FUT8: variants seen among roughly 807,000 people sequenced by gnomAD.
FUT8 encodes the protein alpha-(1,6)-fucosyltransferase.
Under a neutral mutation model 71.3 loss-of-function variants are expected in FUT8, and 29 were observed. The ratio of observed to expected loss-of-function variants is 0.41; its 90% CI spans 0.30 to 0.55. The LOEUF is 0.55. FUT8 is among the 20% of genes least tolerant of loss of function. The pLI, the probability that FUT8 is intolerant of heterozygous loss-of-function variation, is 0.34. For synonymous variants in FUT8, 254 were observed against 239.3 expected (o/e 1.06, Z -0.57); for missense variants, 544 against 702.1 (o/e 0.77, Z 2.55).
At chr14:65,466,210 C>T (rs2066042175) in intron 2 of FUT8, among the ~76,000 whole-genome samples, 1 of 152,100 alleles carries the variant, frequency 6.6e-6, no homozygotes, top group Non-Finnish European at 1.5e-5. Flanking sequence ...ATAGTAGGGT[C>T]TTGTCGTTTG....
intron 3 of FUT8, among the ~76,000 whole-genome samples, chr14:65,593,576 C>T (rs541486185): frequency 7.8e-6 from 1 of 127,922 alleles, no homozygotes; most frequent in African/African-American, 2.5e-5. Flanking sequence ...TTTTTCTTTT[C>T]TTTTCTTTTT....
upstream of FUT8, chr14:65,411,359 A>G (rs1284914351): frequency 2.6e-5 from 4 of 152,370 alleles, no homozygotes; most frequent in African/African-American, 9.7e-5. Context: ...CTTTTTGTTT[A>G]AAGAGCTGAC....
intron 1 of FUT8, among the ~76,000 whole-genome samples, chr14:65,441,605 T>C (rs1388709514): frequency 1.3e-5 from 2 of 151,760 alleles, no homozygotes; most frequent in Non-Finnish European, 2.9e-5. Flanking sequence ...AAAAAAAAAT[T>C]AGCCGGGTGT....
intron 2 of FUT8, among the ~76,000 whole-genome samples, chr14:65,479,189 A>G (rs2066291441): frequency 6.6e-6 from 1 of 152,186 alleles, no homozygotes; most frequent in South Asian, 2.1e-4. Flanking sequence ...CTTTGAAAAA[A>G]CTACAGATGT....
Position 65,650,298 on chromosome 14 carries a change from CAAAAAAAAAAAAAA to C in FUT8, c.598-18929_598-18916del, listed in dbSNP as rs869168766. ...TGGGTGACAGAGTGAGACTCTGTCT[CAAAAAAAAAAAAAA>C]AAAAAAAAAAAAAAACCTGAGACTG... On this transcript the variant is annotated intron_variant, in intron 6 of 10. Transcript: ENST00000673929. Among the ~76,000 whole-genome samples the C allele has an allele frequency of 2.6e-3, 102 of 39,700 alleles. 1 individual carries two copies. The highest frequency in any genetic ancestry group is 4.0e-3 in the Non-Finnish European group (97 of 24,398). The allele number at this position is 39,700 out of a possible 152,430, so 26.0% of individuals were successfully genotyped here.
intron 6 of FUT8, among the ~76,000 whole-genome samples, chr14:65,629,823 C>T (rs1253848677): frequency 1.3e-5 from 1 of 75,812 alleles, no homozygotes; most frequent in Non-Finnish European, 2.9e-5. Flanking sequence ...CTACTTCTTA[C>T]ACACGTACAC....
chr14:65,417,081 C>T (rs1027099191), intron 1 of FUT8, among the ~76,000 whole-genome samples: 9 of 151,616 alleles, frequency 5.9e-5, no homozygotes, highest in Non-Finnish European at 8.8e-5. Context: ...TCACTGTACC[C>T]GGCTCCTTTA....
At chr14:65,734,083 C>T (rs1431463623) in intron 10 of FUT8, among the ~76,000 whole-genome samples, 1 of 152,046 alleles carries the variant, frequency 6.6e-6, no homozygotes, top group Non-Finnish European at 1.5e-5. Flanking sequence ...GTTCATTCAA[C>T]CAGCTGTTAA....
chr14:65,679,785 T>A (rs151259849), intron 7 of FUT8, among the ~76,000 whole-genome samples: 11 of 152,276 alleles, frequency 7.2e-5, no homozygotes, highest in African/African-American at 2.6e-4. Context: ...GCTACAGAGG[T>A]CTCTGACAGT....
At chr14:65,429,694 C>G (rs1357778112) in intron 1 of FUT8, among the ~76,000 whole-genome samples, 1 of 151,788 alleles carries the variant, frequency 6.6e-6, no homozygotes, top group Non-Finnish European at 1.5e-5. Flanking sequence ...GATACCCCAT[C>G]TTTACAAATA....
intron 7 of FUT8, among the ~76,000 whole-genome samples, chr14:65,698,844 G>A (rs1235737446): frequency 6.6e-6 from 1 of 152,036 alleles, no homozygotes; most frequent in East Asian, 1.9e-4. Context: ...TAGTTACTAA[G>A]GCAACAAAAT....
intron 7 of FUT8, among the ~76,000 whole-genome samples, chr14:65,692,414 C>T (rs1893685044): frequency 6.9e-6 from 1 of 145,778 alleles, no homozygotes; most frequent in Admixed American, 6.7e-5. Flanking sequence ...GGGCTGACCC[C>T]CCCACCTCCC....
At chr14:65,485,980 T>C (rs922297781) in intron 2 of FUT8, among the ~76,000 whole-genome samples, 2 of 152,238 alleles carry the variant, frequency 1.3e-5, no homozygotes, top group African/African-American at 4.8e-5. Flanking sequence ...TATGTCCGTT[T>C]TTCTTTTAAG....
chr14:65,482,793 C>T (rs953557317), intron 2 of FUT8, among the ~76,000 whole-genome samples: 9 of 152,066 alleles, frequency 5.9e-5, no homozygotes, highest in Non-Finnish European at 1.3e-4. Context: ...TTTCTTTTGT[C>T]AGCTGACAAT....
At chr14:65,624,740 T>G (rs955696471) in intron 5 of FUT8, among the ~76,000 whole-genome samples, 18 of 152,246 alleles carry the variant, frequency 1.2e-4, no homozygotes, top group Non-Finnish European at 2.4e-4. Flanking sequence ...ATAAACTGGT[T>G]ATTCCATTGT....
chr14:65,538,215 A>T (rs1884459106), intron 2 of FUT8, among the ~76,000 whole-genome samples: 1 of 152,142 alleles, frequency 6.6e-6, no homozygotes, highest in Non-Finnish European at 1.5e-5. Context: ...TTCCCTGCCA[A>T]CTCAAGTGTC....
chr14:65,578,097 A>G (rs1313815343), intron 3 of FUT8, among the ~76,000 whole-genome samples: 1 of 152,164 alleles, frequency 6.6e-6, no homozygotes, highest in Non-Finnish European at 1.5e-5. Context: ...TCTCCCGTAT[A>G]TAAATGCTAC....
intron 2 of FUT8, among the ~76,000 whole-genome samples, chr14:65,508,581 A>G (rs965503263): frequency 7.7e-6 from 1 of 129,678 alleles, no homozygotes; most frequent in African/African-American, 3.0e-5. Flanking sequence ...GCTCACTACA[A>G]CCTCCACCTC....
intron 7 of FUT8, among the ~76,000 whole-genome samples, chr14:65,681,707 G>A (rs1255624691): frequency 6.6e-6 from 1 of 152,106 alleles, no homozygotes; most frequent in Non-Finnish European, 1.5e-5. Context: ...CTCAGTTCAG[G>A]CACTATGATC....
Sources: allele counts gnomAD v4.1 joint callset (sites outside exome capture counted in the v4.1 genomes callset), GRCh38; gene constraint gnomAD v4.1.1; transcripts MANE v1.5; gene names NCBI Gene and HGNC (gene_info 2026-07-23, HGNC 2026-07-21).